DTL: variants seen among roughly 807,000 people sequenced by gnomAD.
The protein encoded by DTL is denticleless E3 ubiquitin protein ligase adapter.
Under a neutral mutation model 87.0 loss-of-function variants are expected in DTL, and 46 were observed. That is an observed-to-expected ratio of 0.53 (90% CI 0.42 to 0.68). DTL has a LOEUF of 0.68. Ranked by LOEUF, DTL falls within the 30% of genes least tolerant of loss-of-function variation. The probability of loss-of-function intolerance (pLI) is 0.00; values close to 1 mark genes in which losing one functional copy is unlikely to be tolerated. For synonymous variants in DTL, 308 were observed against 311.2 expected, an observed-to-expected ratio of 0.99 and a Z score of 0.11; for missense variants, 737 against 869.4, an observed-to-expected ratio of 0.85 and a Z score of 1.91.
intron 13 of DTL, among the ~76,000 whole-genome samples, chr1:212,089,907 A>G (rs1364765026): frequency 6.6e-6 from 1 of 152,230 alleles, no homozygotes; most frequent in Non-Finnish European, 1.5e-5. Context: ...TATAGGACTC[A>G]TAAAATTTTA....
intron 10 of DTL, among the ~76,000 whole-genome samples, chr1:212,069,343 A>C (rs1488696051): frequency 2.0e-5 from 3 of 151,906 alleles, no homozygotes; most frequent in Non-Finnish European, 4.4e-5. Context: ...GGGTTACATT[A>C]TTTTTAAGAA....
At chr1:212,047,692 T>C (rs1457490936) in intron 5 of DTL, among the ~76,000 whole-genome samples, 2 of 152,132 alleles carry the variant, frequency 1.3e-5, no homozygotes, top group African/African-American at 4.8e-5. Context: ...CACATCACCA[T>C]GCCCAGCTAA....
At chr1:212,043,314 T>C (rs575347595) in intron 2 of DTL, among the ~76,000 whole-genome samples, 196 bp downstream of exon 2, 1 of 152,352 alleles carries the variant, frequency 6.6e-6, no homozygotes, top group Non-Finnish European at 1.5e-5. Flanking sequence ...TAACTATATT[T>C]CCTCTAAAGC....
chr1:212,081,106 T>C (rs982801248), intron 13 of DTL, among the ~76,000 whole-genome samples: 4 of 151,964 alleles, frequency 2.6e-5, no homozygotes, highest in African/African-American at 7.2e-5. Context: ...AAAAGTAAAA[T>C]ATATACTGTG....
Position 212,080,755 on chromosome 1 carries a change from G to A in DTL, c.1261+5G>A. On this transcript the variant is annotated splice_donor_5th_base_variant and intron_variant, in intron 13 of 14. Transcript: ENST00000366991. ...AAGAGTCAAGACCTGGCCTAGGTAA[G>A]GATATCATATACTTTCCAAGTTTTT... 6.2e-7 allele frequency: 1 copy of A among 1,613,082 alleles called. No homozygotes were observed. Among genetic ancestry groups the A allele is most frequent in the Admixed American group, 1.7e-5 (1 of 59,914 alleles).
Position 212,100,573 on chromosome 1 carries a change from G to T in DTL, c.1583G>T (p.Arg528Ile). ...TCGGAGACCAAGATCATGTCTCCGA[G>T]AAAAGCCCTTATTCCTGTGAGCCAG... Reference protein sequence around the residue: ...PASETKIMSPRKALIPVSQKS... With the variant: ...PASETKIMSPIKALIPVSQKS... Residue 528 changes from arginine to isoleucine, a missense_variant, in exon 14 of 15, where the codon AGA becomes ATA. Arg to Ile is a moderately conservative substitution (Grantham distance 97). Coordinates refer to ENST00000366991, the MANE Select transcript of DTL (RefSeq NM_016448.4). The T allele has an allele frequency of 6.2e-7, 1 of 1,614,036 alleles. No homozygotes were observed. Among genetic ancestry groups the T allele is most frequent in the Non-Finnish European group, 8.5e-7 (1 of 1,180,020 alleles).
chr1:212,068,513 G>T, intron 9 of DTL, 86 bp from the exon 10 acceptor site: 3 of 924,394 alleles, frequency 3.2e-6, no homozygotes, highest in Non-Finnish European at 5.1e-6. Context: ...TGATTCTTAT[G>T]AAATGATCTA....
chr1:212,100,218 C>T, intron 13 of DTL, 34 bp from the exon 14 acceptor site: 2 of 1,469,774 alleles, frequency 1.4e-6, no homozygotes, highest in Non-Finnish European at 1.8e-6. Flanking sequence ...ATGGCTTTCA[C>T]TTCTGATCTT....
Position 212,069,645 on chromosome 1 carries a change from A to G in DTL, c.922+942A>G, listed in dbSNP as rs540696689. Among the ~76,000 whole-genome samples, 8 of 151,784 alleles carry G rather than the reference A, an allele frequency of 5.3e-5. No individual in the cohort carries two copies. In the East Asian group the frequency reaches 1.4e-3, roughly 26 times the overall value. ...ACTGCACCCTCCGCCTCCTGGGTTC[A>G]AGCAATTCTCCTGCCTCAGCCTCCC... On this transcript the variant is annotated intron_variant, in intron 10 of 14. Transcript: ENST00000366991.
In DTL at chr1:212,080,747, C is replaced by G; in HGVS notation, c.1258C>G (p.Leu420Val). The G allele has an allele frequency of 3.1e-6, 5 of 1,613,268 alleles. No homozygotes were observed. Among genetic ancestry groups the G allele is most frequent in the East Asian group, 2.2e-5 (1 of 44,856 alleles). ...SQKKKESRPG[L>V]VTVTSSQSTP... ...GAAGAAAAAAGAGTCAAGACCTGGC[C>G]TAGGTAAGGATATCATATACTTTCC... The change falls in exon 13 of 15, where the codon CTA becomes GTA. Residue 420 changes from leucine to valine, a missense_variant. By Grantham distance (32) the Leu-to-Val change is conservative (BLOSUM62 1). Transcript: ENST00000366991.
intron 13 of DTL, among the ~76,000 whole-genome samples, chr1:212,096,205 C>T (rs183286063): frequency 3.3e-5 from 5 of 152,138 alleles, no homozygotes; most frequent in East Asian, 1.9e-4. Flanking sequence ...CTGTGGTATT[C>T]GTTGTTAATA....
chr1:212,072,325 T>A, intron 11 of DTL, 112 bp downstream of exon 11: 1 of 790,364 alleles, frequency 1.3e-6, no homozygotes. Context: ...TATTCCTGCA[T>A]CAGATATTTA....
intron 13 of DTL, among the ~76,000 whole-genome samples, chr1:212,083,048 G>C (rs186799463): frequency 6.6e-6 from 1 of 152,250 alleles, no homozygotes; most frequent in Non-Finnish European, 1.5e-5. Flanking sequence ...TGGTAAGGAG[G>C]CATATTAGTC....
intron 1 of DTL, among the ~76,000 whole-genome samples, chr1:212,036,923 G>A (rs1667485721): frequency 6.6e-6 from 1 of 152,304 alleles, no homozygotes; most frequent in African/African-American, 2.4e-5. Context: ...ATAATATTGA[G>A]AAAGAGACTG....
In DTL at chr1:212,080,515, ATAAT is replaced by A. The variant is rs1341828832; in HGVS notation, c.1126-97_1126-94del. The A allele has an allele frequency of 2.4e-4, 261 of 1,077,652 alleles. 6 individuals carry two copies. The South Asian group carries it at 4.4e-3, about 18-fold the overall frequency. 66.8% of individuals were successfully genotyped at this position (1,077,652 alleles called of 1,614,324 possible). A position where few individuals can be genotyped will look rare whatever the true frequency, so the allele number is the denominator to read the frequency against. ...TTCTATATCCTGTTTATTAGACAAA[ATAAT>A]TATCCAGTCACAAGGCCTTAAGACA... On this transcript the variant is annotated intron_variant, in intron 12 of 14. Transcript: ENST00000366991.
chr1:212,066,565 C>T (rs527908401), intron 7 of DTL, among the ~76,000 whole-genome samples: 2 of 152,218 alleles, frequency 1.3e-5, no homozygotes, highest in Admixed American at 6.5e-5. Context: ...TAGGCTCAGA[C>T]GAGCAAAATC....
chr1:212,081,397 G>A (rs1330720211), intron 13 of DTL, among the ~76,000 whole-genome samples: 2 of 152,232 alleles, frequency 1.3e-5, no homozygotes, highest in Non-Finnish European at 2.9e-5. Flanking sequence ...GCAGGCAAAG[G>A]AAAGGGAGGG....
intron 5 of DTL, among the ~76,000 whole-genome samples, chr1:212,058,016 A>C (rs571265129): frequency 6.6e-6 from 1 of 152,312 alleles, no homozygotes; most frequent in African/African-American, 2.4e-5. Flanking sequence ...AGTTCAGCCA[A>C]AGGATATATC....
intron 13 of DTL, among the ~76,000 whole-genome samples, chr1:212,090,933 C>G (rs1001144659): frequency 3.3e-5 from 5 of 152,212 alleles, no homozygotes; most frequent in African/African-American, 1.2e-4. Context: ...TCTGTGCATT[C>G]CTGTTTGAGA....
Sources: gnomAD v4.1 joint callset for allele counts (sites outside exome capture counted in the v4.1 genomes callset) on GRCh38, gnomAD v4.1.1 for gene constraint, MANE v1.5 for transcripts, NCBI Gene and HGNC (gene_info 2026-07-23, HGNC 2026-07-21) for gene names.